Variants in PRKN observed in about 807,000 individuals in gnomAD.
PRKN encodes parkin RBR E3 ubiquitin protein ligase.
A neutral mutation model predicts 59.5 loss-of-function variants in PRKN; 56 were observed. That is an observed-to-expected ratio of 0.94 (90% CI 0.76 to 1.18). The LOEUF (loss-of-function observed/expected upper bound fraction) is 1.18. PRKN is among the 50% of genes most tolerant of loss of function. The pLI is 0.00. For synonymous variants in PRKN, 250 were observed against 222.1 expected, an observed-to-expected ratio of 1.13 and a Z score of -1.12; for missense variants, 657 against 596.4, an observed-to-expected ratio of 1.10 and a Z score of -1.06.
In PRKN at chr6:161,584,023, C is replaced by T. The variant is rs1226649804; in HGVS notation, c.872-14607G>A. Among the ~76,000 whole-genome samples the T allele has an allele frequency of 6.6e-6, 1 of 152,214 alleles. No individual in the cohort carries two copies. Among genetic ancestry groups the T allele is most frequent in the African/African-American group, 2.4e-5 (1 of 41,460 alleles). ...CTTCAGAATTTGTCTACAAACTTAACACCACCAATCACAGTGAGGCCAATG... is the reference window on the plus strand; with the variant it reads ...CTTCAGAATTTGTCTACAAACTTAATACCACCAATCACAGTGAGGCCAATG... On this transcript the variant is annotated intron_variant, in intron 7 of 11. Transcript: ENST00000366898. This position sits in a 1 kb window ranked among gnomAD's most constrained non-coding sequence, Gnocchi z 4.8.
intron 6 of PRKN, among the ~76,000 whole-genome samples, chr6:161,952,929 G>T (rs549819510): frequency 1.3e-5 from 2 of 152,150 alleles, no homozygotes; most frequent in Non-Finnish European, 2.9e-5. Context: ...GTAGGATGAC[G>T]ACGTGAGTCA....
intron 9 of PRKN, among the ~76,000 whole-genome samples, chr6:161,389,412 A>G (rs370107794): frequency 6.6e-6 from 1 of 152,356 alleles, no homozygotes; most frequent in African/African-American, 2.4e-5. Context: ...ATTTCTTCTC[A>G]CAGCAGAGAG....
At chr6:162,070,985 C>T (rs1562495109) in intron 4 of PRKN, among the ~76,000 whole-genome samples, 1 of 152,024 alleles carries the variant, frequency 6.6e-6, no homozygotes, top group Non-Finnish European at 1.5e-5. Flanking sequence ...TTCTTAAGGC[C>T]TGAGCCTGGA....
At chr6:162,520,753 TC>T (rs1268056208) in intron 1 of PRKN, among the ~76,000 whole-genome samples, 1 of 152,036 alleles carries the variant, frequency 6.6e-6, no homozygotes, top group Non-Finnish European at 1.5e-5. Context: ...CTTGGTTTTG[TC>T]ATTCAAATTT....
At chr6:162,725,998 G>C (rs567938953) in intron 1 of PRKN, among the ~76,000 whole-genome samples, 1 of 152,108 alleles carries the variant, frequency 6.6e-6, no homozygotes, top group African/African-American at 2.4e-5. Flanking sequence ...TATTCTCCAT[G>C]TCATTACCAG....
intron 3 of PRKN, among the ~76,000 whole-genome samples, chr6:162,258,612 C>G (rs1457113443): frequency 6.6e-6 from 1 of 152,294 alleles, no homozygotes; most frequent in Middle Eastern, 3.4e-3. Flanking sequence ...CAAAGCACAG[C>G]CCCTGGGCCC....
At chr6:162,058,641 C>T (rs894040757) in intron 4 of PRKN, among the ~76,000 whole-genome samples, 2 of 152,160 alleles carry the variant, frequency 1.3e-5, no homozygotes, top group African/African-American at 2.4e-5. Flanking sequence ...AACACACCTA[C>T]GTGGCAACAG....
chr6:162,540,206 G>A (rs1334795222), intron 1 of PRKN, among the ~76,000 whole-genome samples: 2 of 152,052 alleles, frequency 1.3e-5, no homozygotes, highest in African/African-American at 4.8e-5. Flanking sequence ...GTGAGCCACT[G>A]CACCCAGCTG....
At chr6:162,135,229 T>C (rs1781520646) in intron 4 of PRKN, among the ~76,000 whole-genome samples, 1 of 152,098 alleles carries the variant, frequency 6.6e-6, no homozygotes, top group African/African-American at 2.4e-5. Context: ...CTCTAACCCC[T>C]AGGCTCAAGA....
At chr6:162,185,184 ATT>A (rs539576945) in intron 4 of PRKN, among the ~76,000 whole-genome samples, 2 of 152,128 alleles carry the variant, frequency 1.3e-5, no homozygotes, top group African/African-American at 4.8e-5. Context: ...TGTTATGGAT[ATT>A]TTTTCTAAAC....
rs149738437 is a variant in PRKN at position 161,476,142 on chromosome 6, G to A, written c.1083+72712C>T. 9.9e-3 allele frequency among the ~76,000 whole-genome samples: 1,497 copies of A among 151,436 alleles called. 21 individuals carry two copies. The highest frequency in any genetic ancestry group is 0.025 in the East Asian group (126 of 5,120). ...GCGGAGCTTGCAGTGAGCCGAGATC[G>A]CGCCACTGTACTCCAACCTGGGCGA... On this transcript the variant is annotated intron_variant, in intron 9 of 11. Transcript: ENST00000366898.
intron 1 of PRKN, among the ~76,000 whole-genome samples, chr6:162,659,447 T>C (rs1003551575): frequency 5.9e-5 from 9 of 152,292 alleles, no homozygotes; most frequent in African/African-American, 1.9e-4. Flanking sequence ...AAAATATTCA[T>C]CTTGTTCACG....
chr6:162,364,438 A>G (rs780643744), intron 2 of PRKN, among the ~76,000 whole-genome samples: 4 of 152,164 alleles, frequency 2.6e-5, no homozygotes, highest in Admixed American at 6.5e-5. Flanking sequence ...CCTTTTGACT[A>G]TAACTACCCT....
intron 9 of PRKN, among the ~76,000 whole-genome samples, chr6:161,439,112 A>G (rs138567044): frequency 2.1e-3 from 314 of 152,366 alleles, no homozygotes; most frequent in African/African-American, 7.0e-3. Flanking sequence ...TCATAGTAAC[A>G]TAATGCAGCA....
intron 7 of PRKN, among the ~76,000 whole-genome samples, chr6:161,622,287 G>C (rs2128151217): frequency 6.6e-6 from 1 of 152,156 alleles, no homozygotes; most frequent in East Asian, 1.9e-4. Context: ...CTGAAGATCT[G>C]GCCGCCATTC....
In PRKN at chr6:162,341,009, A is replaced by C. The variant is rs1562685920; in HGVS notation, c.172-78244T>G. On this transcript the variant is annotated intron_variant, in intron 2 of 11. Coordinates refer to ENST00000366898, the MANE Select transcript of PRKN (RefSeq NM_004562.3). ...CTAAAGAATGGGAGAAAATTTTTGC[A>C]ATCTATCTATCTGACAAGGGCTAAT... is the stretch of plus-strand genomic sequence containing the variant. Among the ~76,000 whole-genome samples, 12 of 152,170 alleles carry C rather than the reference A, an allele frequency of 7.9e-5. 1 individual carries two copies.
At chr6:162,048,954 C>G (rs142086262) in intron 5 of PRKN, among the ~76,000 whole-genome samples, 156 of 152,198 alleles carry the variant, frequency 1.0e-3, no homozygotes, top group African/African-American at 3.5e-3. Context: ...CCTTTTTAAT[C>G]TCAAGCATAT....
chr6:162,301,995 T>C (rs1003311052), intron 2 of PRKN, among the ~76,000 whole-genome samples: 2 of 152,138 alleles, frequency 1.3e-5, no homozygotes, highest in Non-Finnish European at 2.9e-5. Context: ...CTCATTGGCA[T>C]CCTGGTCAAA....
At chr6:162,524,364 C>CATTTTATTTATTT (rs1469501648) in intron 1 of PRKN, among the ~76,000 whole-genome samples, 1 of 152,092 alleles carries the variant, frequency 6.6e-6, no homozygotes, top group East Asian at 1.9e-4. Context: ...TTGGAGGAGT[C>CATTTTATTTATTT]ATTTTATTTA....
Sources: gnomAD v4.1 joint callset for allele counts (sites outside exome capture counted in the v4.1 genomes callset) on GRCh38, gnomAD v4.1.1 for gene constraint, Gnocchi (gnomAD v3.1) non-coding constraint, MANE v1.5 for transcripts, NCBI Gene and HGNC (gene_info 2026-07-23, HGNC 2026-07-21) for gene names.